RB1CC1: variants seen among roughly 807,000 people sequenced by gnomAD.
RB1CC1 encodes RB1-inducible coiled-coil protein 1.
RB1CC1 carries 46 observed loss-of-function variants against 177.5 expected under a neutral mutation model. That is an observed-to-expected ratio of 0.26 (90% confidence interval 0.20 to 0.33). RB1CC1 has a LOEUF of 0.33. Among genes scored for constraint, RB1CC1 ranks in the 10% least tolerant of loss-of-function variants. The pLI, the probability that RB1CC1 is intolerant of heterozygous loss-of-function variation, is 1.00. For synonymous variants in RB1CC1, 666 were observed against 613.6 expected, an observed-to-expected ratio of 1.09 and a Z score of -1.26; for missense variants, 1,703 against 1,816.3, an observed-to-expected ratio of 0.94 and a Z score of 1.13.
At chr8:52,704,690 G>T (rs185489349) in intron 1 of RB1CC1, among the ~76,000 whole-genome samples, 1 of 152,204 alleles carries the variant, frequency 6.6e-6, no homozygotes, top group East Asian at 1.9e-4. Context: ...ATTAAATCCT[G>T]TAAGTGGGTT....
At chr8:52,705,764 A>C (rs1347324438) in intron 1 of RB1CC1, among the ~76,000 whole-genome samples, 1 of 152,162 alleles carries the variant, frequency 6.6e-6, no homozygotes, top group East Asian at 1.9e-4. Context: ...TGAGCCTGGG[A>C]GCTGGAGGCT....
chr8:52,684,719 T>A (rs1854094354), intron 3 of RB1CC1, among the ~76,000 whole-genome samples: 1 of 152,086 alleles, frequency 6.6e-6, no homozygotes, highest in Non-Finnish European at 1.5e-5. Flanking sequence ...CCAAAAACCA[T>A]GGAAGTGATA....
At chr8:52,632,004 A>G (rs1461982716) in intron 20 of RB1CC1, among the ~76,000 whole-genome samples, 1 of 152,192 alleles carries the variant, frequency 6.6e-6, no homozygotes, top group Non-Finnish European at 1.5e-5. Flanking sequence ...CTCAGTTTAA[A>G]AAAATTTGTG....
rs1848133912 is a variant in RB1CC1, at chr8:52,622,620, T to A, written c.*1162A>T. On this transcript the variant is annotated 3_prime_UTR_variant, in exon 24 of 24. Coordinates refer to ENST00000025008, the MANE Select transcript of RB1CC1 (RefSeq NM_014781.5). ...TTCTGAAAAAGAATTATTTTATTAT[T>A]GTTCTCTAGCAACAAACCTCAAACA... The A allele has an allele frequency of 6.6e-6, 1 of 152,160 alleles. No individual in the cohort carries two copies. Among genetic ancestry groups the A allele is most frequent in the South Asian group, 2.1e-4 (1 of 4,834 alleles). The allele number at this position is 152,160 out of a possible 1,614,324, so 9.4% of individuals were successfully genotyped here. A position where few individuals can be genotyped will look rare whatever the true frequency, so the allele number is the denominator to read the frequency against.
At position 52,657,191 on chromosome 8, in the gene RB1CC1, C is replaced by T. The variant is rs769839464; in HGVS notation, c.2638G>A (p.Gly880Arg). 22 of 1,601,874 alleles carry T rather than the reference C, an allele frequency of 1.4e-5. No individual in the cohort carries two copies. Among genetic ancestry groups the T allele is most frequent in the African/African-American group, 1.1e-4 (8 of 74,508 alleles). Residue 880 changes from glycine to arginine, a missense_variant, in exon 15 of 24, where the codon GGA becomes AGA. Physicochemically the swap from Gly to Arg is moderately radical, Grantham distance 125. Around this residue, in one of 6 missense-constraint regions of RB1CC1, gnomAD observed 1,169 missense variants for 1,184.7 expected, o/e 0.99. Transcript: ENST00000025008. Reference sequence around the variant, plus strand: ...TTCTCTTCAGTTTCCTTTATTAGTCCGTCAAGTTTACCTTCATATTCATTT... The same window carrying T: ...TTCTCTTCAGTTTCCTTTATTAGTCTGTCAAGTTTACCTTCATATTCATTT... ...LKNEYEGKLD[G>R]LIKETEENEN...
At chr8:52,711,548 TAGAC>T (rs1174901809) in intron 1 of RB1CC1, among the ~76,000 whole-genome samples, 1 of 152,218 alleles carries the variant, frequency 6.6e-6, no homozygotes, top group Non-Finnish European at 1.5e-5. Flanking sequence ...TATATATACA[TAGAC>T]AGATATGTCT....
intron 8 of RB1CC1, among the ~76,000 whole-genome samples, chr8:52,664,082 T>C (rs913139102): frequency 2.0e-5 from 3 of 152,240 alleles, no homozygotes; most frequent in Admixed American, 6.5e-5. Flanking sequence ...TGCTAAAACC[T>C]TGACTCTGTA....
rs992998766 is a variant in RB1CC1 at position 52,645,638 on chromosome 8, T to G, written c.3987+64A>C. ...GAAACCCTCAGCTACATAAAGAAATTATATTTGTTAATTTATGTCTACCTT... is the reference window on the plus strand; with the variant it reads ...GAAACCCTCAGCTACATAAAGAAATGATATTTGTTAATTTATGTCTACCTT... On this transcript the variant is annotated intron_variant, in intron 16 of 23. Coordinates refer to ENST00000025008, the MANE Select transcript of RB1CC1 (RefSeq NM_014781.5). The G allele has an allele frequency of 2.3e-5, 34 of 1,504,110 alleles. 1 individual carries two copies. Among genetic ancestry groups the G allele is most frequent in the Non-Finnish European group, 3.0e-5 (33 of 1,106,396 alleles). The allele number at this position is 1,504,110 out of a possible 1,614,324, so 93.2% of individuals were successfully genotyped here.
intron 21 of RB1CC1, among the ~76,000 whole-genome samples, chr8:52,628,708 A>G (rs1236525863): frequency 1.3e-5 from 2 of 152,226 alleles, no homozygotes; most frequent in Non-Finnish European, 2.9e-5. Context: ...AGACAGGGAA[A>G]GAGAGAAGTG....
At chr8:52,627,309 C>T (rs62499940) in intron 22 of RB1CC1, among the ~76,000 whole-genome samples, 23,022 of 151,432 alleles carry the variant, frequency 0.15, 2,192 homozygotes, top group Middle Eastern at 0.23. Context: ...ATCGTGCCAC[C>T]GCACTCCAGC....
intron 1 of RB1CC1, among the ~76,000 whole-genome samples, chr8:52,689,070 G>C (rs1250089093): frequency 6.6e-6 from 1 of 152,130 alleles, no homozygotes; most frequent in East Asian, 1.9e-4. Flanking sequence ...GTTGATTGCT[G>C]ACTCCCAAAT....
intron 15 of RB1CC1, among the ~76,000 whole-genome samples, chr8:52,646,635 C>T (rs780572526): frequency 4.6e-5 from 7 of 152,184 alleles, no homozygotes; most frequent in Non-Finnish European, 8.8e-5. Context: ...AAAGCGCTTA[C>T]ACGAACAAAT....
Position 52,686,974 on chromosome 8 carries a change from A to G in RB1CC1, c.-166-7T>C, listed in dbSNP as rs770641723. 1 of 456,212 alleles carries G rather than the reference A, an allele frequency of 2.2e-6. No homozygotes were observed. 28.3% of individuals were successfully genotyped at this position (456,212 alleles called of 1,614,324 possible). A position where few individuals can be genotyped will look rare whatever the true frequency, so the allele number is the denominator to read the frequency against. On this transcript the variant is annotated splice_region_variant and splice_polypyrimidine_tract_variant and intron_variant, in intron 1 of 23. Coordinates refer to ENST00000025008, the MANE Select transcript of RB1CC1 (RefSeq NM_014781.5). ...ACTGGTTAAACTCAGAAAACTGGAA[A>G]AGAAAAATTTCTGGTTATAAAGAGA...
chr8:52,706,433 C>T (rs1200637969), intron 1 of RB1CC1, among the ~76,000 whole-genome samples: 2 of 150,998 alleles, frequency 1.3e-5, no homozygotes, highest in Admixed American at 6.6e-5. Flanking sequence ...GATCTCCGCT[C>T]ACTGCAGCCT....
chr8:52,661,342 C>G, intron 9 of RB1CC1, 61 bp from the exon 10 acceptor site: 2 of 1,566,826 alleles, frequency 1.3e-6, no homozygotes, highest in South Asian at 1.2e-5. Flanking sequence ...TAGTTACTTA[C>G]TTAGTAAGCT....
chr8:52,665,377 TG>T (rs1387919360), intron 8 of RB1CC1, among the ~76,000 whole-genome samples: 1 of 152,202 alleles, frequency 6.6e-6, no homozygotes, highest in Non-Finnish European at 1.5e-5. Flanking sequence ...TTTGCTTCTA[TG>T]GCAGGCATTA....
intron 22 of RB1CC1, 148 bp downstream of exon 22, chr8:52,627,884 G>C: frequency 1.6e-6 from 1 of 631,698 alleles, no homozygotes; most frequent in Non-Finnish European, 2.5e-6. Flanking sequence ...AAATAATCTA[G>C]ATAATACAGA....
intron 16 of RB1CC1, 80 bp from the exon 17 acceptor site, chr8:52,642,892 C>A: frequency 7.4e-7 from 1 of 1,343,858 alleles, no homozygotes. Flanking sequence ...TGCAAATATT[C>A]TTTTCTGTGG....
At chr8:52,706,234 AC>A (rs999829617) in intron 1 of RB1CC1, among the ~76,000 whole-genome samples, 56 of 152,122 alleles carry the variant, frequency 3.7e-4, no homozygotes, top group African/African-American at 1.2e-3. Flanking sequence ...AGAGAGCAAG[AC>A]AAAGATTCCC....
Sources: allele counts gnomAD v4.1 joint callset (sites outside exome capture counted in the v4.1 genomes callset), GRCh38; gene constraint gnomAD v4.1.1; regional missense constraint gnomAD v4.1.1; transcripts MANE v1.5; gene names NCBI Gene and HGNC (gene_info 2026-07-23, HGNC 2026-07-21).